DNAJC1: variants seen among roughly 807,000 people sequenced by gnomAD.
DNAJC1 encodes the protein DnaJ heat shock protein family (Hsp40) member C1, also known as dnaJ homolog subfamily C member 1.
DNAJC1 carries 58 observed loss-of-function variants against 76.6 expected under a neutral mutation model. The observed-to-expected ratio is 0.76, with a 90% confidence interval of 0.61 to 0.94. The LOEUF is 0.94. Ranked by LOEUF, DNAJC1 falls within the 40% of genes least tolerant of loss-of-function variation. The probability of loss-of-function intolerance (pLI) is 0.00; values close to 1 mark genes in which losing one functional copy is unlikely to be tolerated. For missense variants in DNAJC1, 689 were observed against 677.3 expected (o/e 1.02, Z -0.19); for synonymous variants, 258 against 267.9 (o/e 0.96, Z 0.36).
At chr10:21,763,363 C>CAG (rs1834261959) in intron 10 of DNAJC1, among the ~76,000 whole-genome samples, 1 of 152,174 alleles carries the variant, frequency 6.6e-6, no homozygotes, top group African/African-American at 2.4e-5. Flanking sequence ...TATTAGTCTT[C>CAG]AGCGAGTATG....
chr10:21,825,139 T>C (rs1835226967), intron 8 of DNAJC1, among the ~76,000 whole-genome samples: 2 of 152,200 alleles, frequency 1.3e-5, no homozygotes, highest in African/African-American at 2.4e-5. Context: ...ATTCATATTG[T>C]TGTACAAGCC....
At chr10:21,814,803 T>G (rs993912171) in intron 8 of DNAJC1, among the ~76,000 whole-genome samples, 17 of 152,068 alleles carry the variant, frequency 1.1e-4, no homozygotes, top group African/African-American at 3.6e-4. Context: ...CTAAATCCAG[T>G]GAAAGTGGAA....
intron 7 of DNAJC1, among the ~76,000 whole-genome samples, chr10:21,899,461 C>CA (rs1836607649): frequency 6.6e-6 from 1 of 152,216 alleles, no homozygotes; most frequent in African/African-American, 2.4e-5. Context: ...GGGCAAGGGG[C>CA]AGGTGCCATC....
At chr10:21,794,310 TG>T (rs1032466237) in intron 9 of DNAJC1, among the ~76,000 whole-genome samples, 3 of 133,840 alleles carry the variant, frequency 2.2e-5, no homozygotes, top group African/African-American at 8.4e-5. Flanking sequence ...GAAAAGAAAA[TG>T]GTTCTTCTCT....
intron 1 of DNAJC1, among the ~76,000 whole-genome samples, chr10:21,953,354 C>T (rs1275620531): frequency 1.3e-5 from 2 of 151,612 alleles, no homozygotes; most frequent in African/African-American, 4.9e-5. Context: ...ATCATTTATA[C>T]TAGATAGAAA....
intron 1 of DNAJC1, among the ~76,000 whole-genome samples, chr10:21,981,983 C>T (rs573888980): frequency 7.9e-5 from 12 of 152,326 alleles, no homozygotes; most frequent in African/African-American, 2.2e-4. Flanking sequence ...ACCTGATTAC[C>T]TTGGCCTGCC....
At chr10:21,953,017 T>C (rs760999015) in intron 1 of DNAJC1, among the ~76,000 whole-genome samples, 21 of 152,158 alleles carry the variant, frequency 1.4e-4, no homozygotes, top group Non-Finnish European at 2.8e-4. Flanking sequence ...AACATCATAT[T>C]TCTACTAATA....
At chr10:21,859,975 G>T (rs1161585125) in intron 8 of DNAJC1, among the ~76,000 whole-genome samples, 1 of 151,746 alleles carries the variant, frequency 6.6e-6, no homozygotes, top group African/African-American at 2.4e-5. Context: ...GTAGAGATGG[G>T]GTTTCGCAAT....
At chr10:21,854,315 T>C (rs1038110038) in intron 8 of DNAJC1, among the ~76,000 whole-genome samples, 14 of 146,984 alleles carry the variant, frequency 9.5e-5, no homozygotes, top group African/African-American at 3.2e-4. Context: ...AAACCTTACA[T>C]TATAAAAGGA....
chr10:21,953,641 T>G (rs1837633512), intron 1 of DNAJC1, among the ~76,000 whole-genome samples: 1 of 151,404 alleles, frequency 6.6e-6, no homozygotes, highest in Non-Finnish European at 1.5e-5. Flanking sequence ...CTTTTCCCCC[T>G]ATTACTGTCA....
chr10:21,847,996 G>A (rs189519262), intron 8 of DNAJC1, among the ~76,000 whole-genome samples: 4 of 152,136 alleles, frequency 2.6e-5, no homozygotes, highest in South Asian at 2.1e-4. Context: ...TTGCTAAATC[G>A]GATGGTAGAT....
At chr10:21,966,290 G>C (rs150134717) in intron 1 of DNAJC1, among the ~76,000 whole-genome samples, 89 of 152,218 alleles carry the variant, frequency 5.8e-4, no homozygotes, top group African/African-American at 1.9e-3. Context: ...TCCCTATGAA[G>C]TTACCATTTT....
chr10:21,899,566 C>T (rs959468931), intron 7 of DNAJC1, among the ~76,000 whole-genome samples: 4 of 152,336 alleles, frequency 2.6e-5, no homozygotes, highest in Admixed American at 2.6e-4. Context: ...TGCAGCACAG[C>T]TGCCTTGCCA....
At chr10:21,973,707 C>A (rs1838017124) in intron 1 of DNAJC1, among the ~76,000 whole-genome samples, 1 of 150,210 alleles carries the variant, frequency 6.7e-6, no homozygotes, top group African/African-American at 2.5e-5. Context: ...TAATTATTTA[C>A]TAAGGCTGCA....
At chr10:21,767,119 T>G (rs984967395) in intron 9 of DNAJC1, among the ~76,000 whole-genome samples, 4 of 152,156 alleles carry the variant, frequency 2.6e-5, no homozygotes, top group African/African-American at 9.7e-5. Context: ...ACATTTATGC[T>G]AATAGTGTTA....
intron 8 of DNAJC1, among the ~76,000 whole-genome samples, chr10:21,826,130 C>T (rs899168328): frequency 2.6e-5 from 4 of 151,414 alleles, no homozygotes; most frequent in Admixed American, 6.6e-5. Context: ...CCCAGCTCCT[C>T]GGTAGGCTGA....
At chr10:21,783,282 G>A (rs1187127620) in intron 9 of DNAJC1, among the ~76,000 whole-genome samples, 1 of 152,176 alleles carries the variant, frequency 6.6e-6, no homozygotes, top group Admixed American at 6.5e-5. Flanking sequence ...GCCAAATCAT[G>A]AGTGAACACC....
At chr10:21,938,966 C>A (rs1268697212) in intron 1 of DNAJC1, among the ~76,000 whole-genome samples, 1 of 152,234 alleles carries the variant, frequency 6.6e-6, no homozygotes, top group East Asian at 1.9e-4. Flanking sequence ...CCTCAGTTCA[C>A]TGCAACCTCC....
chr10:21,879,158 G>C (rs556896060), intron 8 of DNAJC1, among the ~76,000 whole-genome samples: 2 of 152,314 alleles, frequency 1.3e-5, no homozygotes, highest in Non-Finnish European at 2.9e-5. Flanking sequence ...CAATGTTCTA[G>C]TCATTGAACT....
Sources: allele counts gnomAD v4.1 joint callset (sites outside exome capture counted in the v4.1 genomes callset), GRCh38; gene constraint gnomAD v4.1.1; transcripts MANE v1.5; gene names NCBI Gene and HGNC (gene_info 2026-07-23, HGNC 2026-07-21).